Variants in PRDM1 observed in about 807,000 individuals in gnomAD.
PRDM1 encodes PR domain zinc finger protein 1.
Under a neutral mutation model 62.8 loss-of-function variants are expected in PRDM1, and 13 were observed. The observed-to-expected ratio is 0.21, with a 90% CI of 0.13 to 0.33. PRDM1 has a LOEUF of 0.33. Among genes scored for constraint, PRDM1 ranks in the 10% least tolerant of loss-of-function variants. PRDM1 has a pLI of 1.00. For synonymous variants in PRDM1, 396 were observed against 417.6 expected (o/e 0.95, Z 0.63); for missense variants, 895 against 1,058.8 (o/e 0.85, Z 2.15).
At chr6:106,004,484 G>T (rs1772461434) in intron 1 of PRDM1, among the ~76,000 whole-genome samples, 1 of 152,140 alleles carries the variant, frequency 6.6e-6, no homozygotes, top group African/African-American at 2.4e-5. Flanking sequence ...GTGACTTCTT[G>T]ACCCTTTGCA....
chr6:106,032,088 T>TA (rs1484115496), intron 1 of PRDM1, among the ~76,000 whole-genome samples: 1 of 152,148 alleles, frequency 6.6e-6, no homozygotes, highest in Non-Finnish European at 1.5e-5. Context: ...TCGACTTTGT[T>TA]AAAAAGAGAA....
intron 1 of PRDM1, among the ~76,000 whole-genome samples, chr6:106,040,404 C>T (rs1171380546): frequency 3.3e-5 from 5 of 152,286 alleles, no homozygotes; most frequent in East Asian, 3.9e-4. Context: ...ACACCACCTC[C>T]GTCTATCTGC....
In PRDM1 at chr6:106,109,091, CAAAAAA is replaced by C. The variant is rs36077280; in HGVS notation, c.*1622_*1627del. 1.0e-3 allele frequency: 123 copies of C among 121,610 alleles called. 1 individual carries two copies. The highest frequency in any genetic ancestry group is 2.7e-3 in the East Asian group (21 of 7,648). 7.5% of individuals were successfully genotyped at this position (121,610 alleles called of 1,614,324 possible). On this transcript the variant is annotated 3_prime_UTR_variant, in exon 7 of 7. Transcript: ENST00000369096. ...GTAAAAGATCTACTTTTTCTAAGGGCAAAAAAAAAAAAAAAAAAAAAAGAACACTCC... is the reference window on the plus strand; with the variant it reads ...GTAAAAGATCTACTTTTTCTAAGGGCAAAAAAAAAAAAAAAAGAACACTCC...
chr6:106,037,545 A>G (rs554597031), intron 1 of PRDM1, among the ~76,000 whole-genome samples: 3 of 151,666 alleles, frequency 2.0e-5, no homozygotes, highest in African/African-American at 7.3e-5. Context: ...CTTTCCTTCC[A>G]TCTTTTTTCT....
chr6:106,088,218 C>T lies in PRDM1; in HGVS notation c.60C>T (p.Asn20=), dbSNP rs778225625. The part of the protein sequence containing the change: ...VGTTLAAPKC[N]SSTVRFQGLA... ...TCTTCCAGGCTGCCCCCAAGTGTAA[C>T]TCCAGCACTGTGAGGTTTCAGGGAT... is the stretch of plus-strand genomic sequence containing the variant. Residue 20 remains asparagine (N), a synonymous_variant, in exon 2 of 7, where the codon AAC becomes AAT. Transcript: ENST00000369096. 3.1e-5 allele frequency: 50 copies of T among 1,612,308 alleles called. No homozygotes were observed. Among genetic ancestry groups the T allele is most frequent in the Non-Finnish European group, 3.7e-5 (44 of 1,179,194 alleles).
chr6:106,058,393 C>A lies in PRDM1; in HGVS notation c.-67+9679C>A, dbSNP rs9486272. Among the ~76,000 whole-genome samples, 1,137 of 152,162 alleles carry A rather than the reference C, an allele frequency of 7.5e-3. 10 individuals are homozygous for A. Among genetic ancestry groups the A allele is most frequent in the African/African-American group, 0.026 (1,078 of 41,504 alleles). ...CTAATCCCATACACAAGAGCTCCAC[C>A]CTCATTGCCACATTACCTCCCAAAG... is the stretch of plus-strand genomic sequence containing the variant. On this transcript the variant is annotated intron_variant, in intron 1 of 6. Coordinates refer to the PRDM1 transcript ENST00000651185.
chr6:106,078,197 C>G (rs1434892464), intron 1 of PRDM1: 1 of 152,212 alleles, frequency 6.6e-6, no homozygotes, highest in Non-Finnish European at 1.5e-5. Context: ...TTTCTAGTCC[C>G]TCTGTCTAGA....
At chr6:106,102,156 G>A (rs1055768746) in intron 4 of PRDM1, among the ~76,000 whole-genome samples, 9 of 152,124 alleles carry the variant, frequency 5.9e-5, no homozygotes, top group South Asian at 4.1e-4. Flanking sequence ...AATGTGAGTC[G>A]GCATAATTAA....
At chr6:106,037,961 T>C (rs1772944055) in intron 1 of PRDM1, among the ~76,000 whole-genome samples, 2 of 150,462 alleles carry the variant, frequency 1.3e-5, no homozygotes, top group African/African-American at 2.4e-5. Flanking sequence ...AAACAAATAA[T>C]GTGATAACTG....
intron 1 of PRDM1, among the ~76,000 whole-genome samples, chr6:106,059,948 G>A (rs1773319384): frequency 6.6e-6 from 1 of 152,118 alleles, no homozygotes; most frequent in South Asian, 2.1e-4. Flanking sequence ...GAGTAGCTTT[G>A]GAAAGAGAGA....
intron 1 of PRDM1, among the ~76,000 whole-genome samples, chr6:106,032,464 G>A (rs533395229): frequency 6.6e-6 from 1 of 152,124 alleles, no homozygotes; most frequent in South Asian, 2.1e-4. Flanking sequence ...TTGGAGACAA[G>A]AGTCTTCTCT....
At chr6:106,060,647 G>C (rs766430875) in intron 1 of PRDM1, among the ~76,000 whole-genome samples, 3 of 152,112 alleles carry the variant, frequency 2.0e-5, no homozygotes, top group Non-Finnish European at 4.4e-5. Context: ...TAGGGCAGTT[G>C]TTCATTGGAT....
rs1221606843 is a variant in PRDM1, at chr6:106,054,170, T to C, written c.-67+5456T>C. Among the ~76,000 whole-genome samples, 3 of 152,000 alleles carry C rather than the reference T, an allele frequency of 2.0e-5. No individual in the cohort carries two copies. The East Asian group carries it at 5.8e-4, about 29-fold the overall frequency. On this transcript the variant is annotated intron_variant, in intron 1 of 6. Coordinates refer to the PRDM1 transcript ENST00000651185. ...TCATTATTTCATTGCAGCAGGGAAA[T>C]AGAAAACAAGATCATCTCAACATTT...
intron 4 of PRDM1, among the ~76,000 whole-genome samples, chr6:106,102,243 A>G (rs1774293415): frequency 6.6e-6 from 1 of 152,244 alleles, no homozygotes; most frequent in Non-Finnish European, 1.5e-5. Context: ...TTTCAGAACA[A>G]AAACAGATCT....
In PRDM1 at chr6:106,099,497, C is replaced by G. The variant is rs811925; in HGVS notation, c.609C>G (p.Asp203Glu). The G allele has an allele frequency of 0.17, 270,884 of 1,613,910 alleles. 23,745 individuals are homozygous for G. The highest frequency in any genetic ancestry group is 0.19 in the South Asian group (16,970 of 91,068). Residue 203 changes from aspartate to glutamate, a missense_variant, in exon 4 of 7, where the codon GAC (aspartate) becomes GAG (glutamate). Physicochemically the swap from Asp to Glu is conservative, Grantham distance 45. This residue lies in a region of PRDM1 where 213 missense variants were observed against 283.9 expected (regional missense o/e 0.75). Coordinates refer to ENST00000369096, the MANE Select transcript of PRDM1 (RefSeq NM_001198.4). The part of the protein sequence containing the change: ...NQELLVWYCR[D>E]FAERLHYPYP... ...AACTTCTTGTGTGGTATTGTCGGGA[C>G]TTTGCAGAAAGGCTTCACTACCCTT...
chr6:106,013,358 C>G lies in PRDM1; in HGVS notation c.-67+19719C>G, dbSNP rs376584882. On this transcript the variant is annotated intron_variant, in intron 1 of 6. Coordinates refer to the PRDM1 transcript ENST00000652320. ...TTTTTTTTTTTTTGAGACAGAGTCT[C>G]TCTTTGTTGCTCGGGCTGGAGTGCA... 4.2e-5 allele frequency among the ~76,000 whole-genome samples: 6 copies of G among 143,750 alleles called. No homozygotes were observed. In the South Asian group the frequency reaches 1.1e-3, roughly 26 times the overall value. 94.3% of individuals were successfully genotyped at this position (143,750 alleles called of 152,430 possible).
intron 1 of PRDM1, among the ~76,000 whole-genome samples, chr6:106,024,576 T>C (rs1772741459): frequency 6.6e-6 from 1 of 152,206 alleles, no homozygotes; most frequent in Admixed American, 6.5e-5. Flanking sequence ...ATACTATAAA[T>C]TCAAATGATT....
At chr6:106,014,963 A>G (rs936669763) in intron 1 of PRDM1, among the ~76,000 whole-genome samples, 3 of 152,200 alleles carry the variant, frequency 2.0e-5, no homozygotes, top group African/African-American at 4.8e-5. Flanking sequence ...ATAAGTTCAT[A>G]GAGTTCAAGA....
intron 1 of PRDM1, among the ~76,000 whole-genome samples, chr6:106,075,206 A>T (rs1773587028): frequency 6.6e-6 from 1 of 152,036 alleles, no homozygotes; most frequent in South Asian, 2.1e-4. Context: ...TTTCTCTAAG[A>T]CTGTGTTTTT....
Sources: allele counts gnomAD v4.1 joint callset (sites outside exome capture counted in the v4.1 genomes callset), GRCh38; gene constraint gnomAD v4.1.1; regional missense constraint gnomAD v4.1.1; transcripts MANE v1.5; gene names NCBI Gene and HGNC (gene_info 2026-07-23, HGNC 2026-07-21).